The following PXDNL variants were observed in gnomAD, a reference collection of about 807,000 sequenced individuals.
The protein encoded by PXDNL is peroxidasin like, also known as probable oxidoreductase PXDNL.
A neutral mutation model predicts 150.8 loss-of-function variants in PXDNL; 145 were observed. The ratio of observed to expected loss-of-function variants is 0.96; its 90% CI spans 0.84 to 1.10. PXDNL has a LOEUF of 1.10. Ranked by LOEUF, PXDNL falls within the 50% of genes least tolerant of loss-of-function variation. The pLI, the probability that PXDNL is intolerant of heterozygous loss-of-function variation, is 0.00. For missense variants in PXDNL, 2,087 were observed against 1,873.9 expected, an observed-to-expected ratio of 1.11 and a Z score of -2.10; for synonymous variants, 757 against 725.7, an observed-to-expected ratio of 1.04 and a Z score of -0.69.
chr8:51,485,695 C>T (rs116843939), intron 5 of PXDNL, among the ~76,000 whole-genome samples: 4 of 152,308 alleles, frequency 2.6e-5, no homozygotes, highest in Non-Finnish European at 5.9e-5. Context: ...TTGCTCATGG[C>T]GTATTTGGAG....
intron 3 of PXDNL, among the ~76,000 whole-genome samples, chr8:51,558,781 T>C (rs1812650181): frequency 6.6e-6 from 1 of 152,080 alleles, no homozygotes; most frequent in Admixed American, 6.6e-5. Context: ...AAAGTATGAA[T>C]TCCAGATATG....
chr8:51,352,811 T>C (rs1267933104), intron 19 of PXDNL, among the ~76,000 whole-genome samples: 8 of 152,292 alleles, frequency 5.3e-5, no homozygotes, highest in Non-Finnish European at 2.9e-5. Flanking sequence ...GCAATGTGGA[T>C]GGAACTTGAG....
chr8:51,520,264 C>T (rs977566231), intron 4 of PXDNL, among the ~76,000 whole-genome samples: 1 of 152,130 alleles, frequency 6.6e-6, no homozygotes, highest in African/African-American at 2.4e-5. Context: ...CCCTATCTGC[C>T]CCTCTTCAAC....
At chr8:51,560,786 T>C (rs1812700947) in intron 3 of PXDNL, among the ~76,000 whole-genome samples, 1 of 151,878 alleles carries the variant, frequency 6.6e-6, no homozygotes, top group Non-Finnish European at 1.5e-5. Flanking sequence ...TAAACTGGAC[T>C]ACACCAAGAT....
intron 5 of PXDNL, among the ~76,000 whole-genome samples, chr8:51,485,588 T>G (rs1247771947): frequency 6.6e-6 from 1 of 152,162 alleles, no homozygotes; most frequent in Non-Finnish European, 1.5e-5. Flanking sequence ...CACCCTATCC[T>G]GTTAAATAGG....
chr8:51,581,511 A>AAATAAATAAATTAATTAATTAATTAATT (rs1364334171), intron 3 of PXDNL, among the ~76,000 whole-genome samples: 3 of 151,964 alleles, frequency 2.0e-5, no homozygotes, highest in African/African-American at 7.2e-5. Flanking sequence ...ATAAATAAAT[A>AAATAAATAAATTAATTAATTAATTAATT]AATTTTAAAA....
At chr8:51,596,696 T>C (rs1040366864) in intron 2 of PXDNL, among the ~76,000 whole-genome samples, 1 of 152,198 alleles carries the variant, frequency 6.6e-6, no homozygotes, top group Admixed American at 6.5e-5. Context: ...TGGCCACATG[T>C]ATGCCTTCTT....
intron 17 of PXDNL, among the ~76,000 whole-genome samples, chr8:51,395,797 GC>G (rs1808064026): frequency 6.6e-6 from 1 of 152,108 alleles, no homozygotes; most frequent in African/African-American, 2.4e-5. Flanking sequence ...GGATAAAAGA[GC>G]TTTCCAAAAC....
chr8:51,770,397 G>C (rs1007743732), intron 1 of PXDNL, among the ~76,000 whole-genome samples: 1 of 152,188 alleles, frequency 6.6e-6, no homozygotes, highest in African/African-American at 2.4e-5. Flanking sequence ...CAAAAACGGG[G>C]CTCCAAGAAC....
chr8:51,455,267 A>G (rs967263454), intron 9 of PXDNL, among the ~76,000 whole-genome samples: 1 of 152,076 alleles, frequency 6.6e-6, no homozygotes, highest in Non-Finnish European at 1.5e-5. Context: ...GAATTGTGGA[A>G]GAAGGAGTAG....
intron 1 of PXDNL, among the ~76,000 whole-genome samples, chr8:51,701,982 T>C (rs1816267798): frequency 6.6e-6 from 1 of 152,212 alleles, no homozygotes; most frequent in Non-Finnish European, 1.5e-5. Context: ...TTATTTTTTG[T>C]TACAACACTG....
rs1362610433 is a variant in PXDNL, at chr8:51,345,820, T to C, written c.4016+13A>G. 4.0e-6 allele frequency: 6 copies of C among 1,514,186 alleles called. No individual in the cohort carries two copies. Among genetic ancestry groups the C allele is most frequent in the Non-Finnish European group, 5.5e-6 (6 of 1,091,138 alleles). The allele number at this position is 1,514,186 out of a possible 1,614,324, so 93.8% of individuals were successfully genotyped here. On this transcript the variant is annotated intron_variant, in intron 20 of 22. Transcript: ENST00000356297. ...GTAAGTTGCCTAAAGAAATGAGATA[T>C]TTCTATACATACCTACTTCTTAGAT...
chr8:51,548,017 C>A (rs1272327203), intron 4 of PXDNL, among the ~76,000 whole-genome samples: 2 of 149,518 alleles, frequency 1.3e-5, no homozygotes, highest in Non-Finnish European at 1.5e-5. Flanking sequence ...AAATGAAAGA[C>A]ACACTTAGAG....
intron 8 of PXDNL, among the ~76,000 whole-genome samples, chr8:51,462,509 A>C (rs1312656843): frequency 6.6e-6 from 1 of 152,230 alleles, no homozygotes; most frequent in African/African-American, 2.4e-5. Context: ...TACAGTTAGA[A>C]GCATTAACAA....
chr8:51,377,948 CG>C (rs924666357), intron 17 of PXDNL, among the ~76,000 whole-genome samples: 9 of 152,152 alleles, frequency 5.9e-5, no homozygotes, highest in African/African-American at 1.9e-4. Flanking sequence ...CCTGCAGCCC[CG>C]TGCGGTATCC....
intron 1 of PXDNL, among the ~76,000 whole-genome samples, chr8:51,740,549 T>C (rs991121268): frequency 6.6e-6 from 1 of 152,238 alleles, no homozygotes; most frequent in African/African-American, 2.4e-5. Context: ...TGGTATCTCA[T>C]TGCGGTTTAG....
At chr8:51,762,918 A>C (rs2037180150) in intron 1 of PXDNL, among the ~76,000 whole-genome samples, 1 of 152,240 alleles carries the variant, frequency 6.6e-6, no homozygotes, top group African/African-American at 2.4e-5. Flanking sequence ...CCAAAGGGAA[A>C]AAAGAAGTAT....
At position 51,600,566 on chromosome 8, in the gene PXDNL, G is replaced by A. The variant is rs865947572; in HGVS notation, c.237-7868C>T. On this transcript the variant is annotated intron_variant, in intron 2 of 22. Coordinates refer to ENST00000356297, the MANE Select transcript of PXDNL (RefSeq NM_144651.5). ...AATTATATCTTATATAAATTATATC[G>A]TTTAGATAATAAATTATATCTTATA... 7.4e-4 allele frequency among the ~76,000 whole-genome samples: 93 copies of A among 126,286 alleles called. 3 individuals carry two copies. Among genetic ancestry groups the A allele is most frequent in the Middle Eastern group, 0.012 (1 of 86 alleles). 82.8% of individuals were successfully genotyped at this position (126,286 alleles called of 152,430 possible). A position where few individuals can be genotyped will look rare whatever the true frequency, so the allele number is the denominator to read the frequency against.
chr8:51,647,298 C>T (rs1814940467), intron 2 of PXDNL, among the ~76,000 whole-genome samples: 1 of 151,932 alleles, frequency 6.6e-6, no homozygotes, highest in Admixed American at 6.6e-5. Flanking sequence ...AGAAATTTCT[C>T]TCTATTTCTG....
Sources: allele counts gnomAD v4.1 joint callset (sites outside exome capture counted in the v4.1 genomes callset), GRCh38; gene constraint gnomAD v4.1.1; transcripts MANE v1.5; gene names NCBI Gene and HGNC (gene_info 2026-07-23, HGNC 2026-07-21).